AS3MT: variants seen among roughly 807,000 people sequenced by gnomAD.
AS3MT encodes S-adenosyl-L-methionine:arsenic(III) methyltransferase.
AS3MT carries 47 observed loss-of-function variants against 45.3 expected under a neutral mutation model. That is an observed-to-expected ratio of 1.04 (90% CI 0.82 to 1.32). The LOEUF is 1.32. Ranked by LOEUF, AS3MT falls within the 40% of genes most tolerant of loss-of-function variation. The pLI is 0.00. For missense variants in AS3MT, 396 were observed against 451.1 expected, an observed-to-expected ratio of 0.88 and a Z score of 1.11; for synonymous variants, 141 against 152.8, an observed-to-expected ratio of 0.92 and a Z score of 0.57.
chr10:102,881,611 A>AT lies in AS3MT; in HGVS notation c.885+2621dup, dbSNP rs1163853650. Among the ~76,000 whole-genome samples, 1 of 152,236 alleles carries AT rather than the reference A, an allele frequency of 6.6e-6. No individual in the cohort carries two copies. The highest frequency in any genetic ancestry group is 2.4e-5 in the African/African-American group (1 of 41,464). On this transcript the variant is annotated intron_variant, in intron 9 of 10. Coordinates refer to ENST00000369880, the MANE Select transcript of AS3MT (RefSeq NM_020682.4). The surrounding 1 kb of genome is among the most constrained non-coding windows in gnomAD (Gnocchi z 4.2). ...ATAATACTTACTTTGCAGAATTTCT[A>AT]TAAGGATTAGCAATAATGTAGCAAA...
Position 102,873,106 on chromosome 10 carries a change from G to A in AS3MT, c.331G>A (p.Ala111Thr). ...IDMTKGQVEVAEKYLDYHMEK... is the reference protein window; with the variant it reads ...IDMTKGQVEVTEKYLDYHMEK... ...ATTTTTCTTACTTTAGGTGGAAGTGGCTGAAAAGTATCTTGACTATCACAT... is the reference window on the plus strand; with the variant it reads ...ATTTTTCTTACTTTAGGTGGAAGTGACTGAAAAGTATCTTGACTATCACAT... The change falls in exon 5 of 11, where the codon GCT becomes ACT. Residue 111 changes from alanine to threonine, a missense_variant. By Grantham distance (58) the Ala-to-Thr change is moderately conservative. Coordinates refer to ENST00000369880, the MANE Select transcript of AS3MT (RefSeq NM_020682.4). 6.3e-7 allele frequency: 1 copy of A among 1,579,874 alleles called. No individual in the cohort carries two copies. Among genetic ancestry groups the A allele is most frequent in the East Asian group, 2.3e-5 (1 of 44,244 alleles).
At chr10:102,871,415 C>G (rs1427692638) in intron 3 of AS3MT, among the ~76,000 whole-genome samples, 4 of 151,634 alleles carry the variant, frequency 2.6e-5, no homozygotes, top group African/African-American at 9.7e-5. Flanking sequence ...GGTGTGGCGG[C>G]ACGCGCCTGT....
chr10:102,900,612 T>A lies in AS3MT; in HGVS notation c.1040T>A (p.Phe347Tyr). 1 of 1,614,042 alleles carries A rather than the reference T, an allele frequency of 6.2e-7. No individual in the cohort carries two copies. Among genetic ancestry groups the A allele is most frequent in the Non-Finnish European group, 8.5e-7 (1 of 1,179,902 alleles). The stretch of plus-strand genomic sequence containing the variant: ...TGACAGGATATAATCACAGATCCAT[T>A]TAAGCTTGCAGAAGAGTCTGACAGT... ...LELKDIITDP[F>Y]KLAEESDSMK... The change falls in exon 11 of 11, where the codon TTT becomes TAT. Residue 347 changes from phenylalanine (F) to tyrosine (Y), a missense_variant. Coordinates refer to ENST00000369880, the MANE Select transcript of AS3MT (RefSeq NM_020682.4).
At chr10:102,889,181 T>G (rs1461539972) in intron 9 of AS3MT, among the ~76,000 whole-genome samples, 4 of 152,038 alleles carry the variant, frequency 2.6e-5, no homozygotes, top group Admixed American at 2.6e-4. Context: ...TGAGCCACCG[T>G]GCCCGGCCAA....
intron 8 of AS3MT, 135 bp downstream of exon 8, chr10:102,878,645 T>C (rs1844825120): frequency 7.3e-7 from 1 of 1,371,158 alleles, no homozygotes; most frequent in Non-Finnish European, 9.9e-7. Flanking sequence ...TCTTGCCTCC[T>C]GTACAATGGT....
chr10:102,899,529 A>G (rs953207195), intron 10 of AS3MT, among the ~76,000 whole-genome samples: 1 of 152,170 alleles, frequency 6.6e-6, no homozygotes, highest in Non-Finnish European at 1.5e-5. Flanking sequence ...TAAAGGGTCC[A>G]CCAGTCTATC....
chr10:102,893,940 A>G (rs1431369053), intron 10 of AS3MT, among the ~76,000 whole-genome samples: 1 of 152,092 alleles, frequency 6.6e-6, no homozygotes, highest in African/African-American at 2.4e-5. Flanking sequence ...GGTCTGGCCT[A>G]GAACTTTCAA....
chr10:102,886,780 C>A (rs1214328522), intron 9 of AS3MT, among the ~76,000 whole-genome samples: 1 of 152,080 alleles, frequency 6.6e-6, no homozygotes, highest in African/African-American at 2.4e-5. Flanking sequence ...CCATGCCTGG[C>A]TGATTTTTGT....
chr10:102,889,141 C>T (rs979642111), intron 9 of AS3MT, among the ~76,000 whole-genome samples: 4 of 150,922 alleles, frequency 2.7e-5, no homozygotes, highest in African/African-American at 7.3e-5. Flanking sequence ...CCACCCACCT[C>T]GGCCTCCCAA....
intron 6 of AS3MT, among the ~76,000 whole-genome samples, chr10:102,875,629 GT>G (rs879464385): frequency 2.1e-4 from 30 of 144,360 alleles, no homozygotes; most frequent in East Asian, 4.1e-4. Context: ...CTAAAAAAAT[GT>G]TTTTTTTTTT....
At chr10:102,898,221 C>T (rs1249679629) in intron 10 of AS3MT, among the ~76,000 whole-genome samples, 1 of 151,810 alleles carries the variant, frequency 6.6e-6, no homozygotes, top group Non-Finnish European at 1.5e-5. Flanking sequence ...TCTTGAGAGT[C>T]CTTCTGCTTT....
Position 102,869,540 on chromosome 10 carries a change from TC to T in AS3MT, c.-52del. ...GGAGACAGTGAGTGCGCGCCCTGAG[TC>T]GCAGGCCGAGGAGACAGTGAGTGCG... On this transcript the variant is annotated 5_prime_UTR_variant, in exon 1 of 11. Coordinates refer to ENST00000369880, the MANE Select transcript of AS3MT (RefSeq NM_020682.4). The T allele has an allele frequency of 6.5e-7, 1 of 1,539,176 alleles. No individual in the cohort carries two copies. The highest frequency in any genetic ancestry group is 8.7e-7 in the Non-Finnish European group (1 of 1,149,368).
At chr10:102,886,131 A>G (rs1002720938) in intron 9 of AS3MT, among the ~76,000 whole-genome samples, 4 of 151,238 alleles carry the variant, frequency 2.6e-5, no homozygotes, top group Non-Finnish European at 5.9e-5. Context: ...GATCTTCTGT[A>G]TTTTTTTAGT....
rs567605332 is a variant in AS3MT at position 102,881,066 on chromosome 10, A to G, written c.885+2075A>G. On this transcript the variant is annotated intron_variant, in intron 9 of 10. Transcript: ENST00000369880. The surrounding 1 kb of genome is among the most constrained non-coding windows in gnomAD (Gnocchi z 4.2). ...TTATGTTCTACTTATTTATTCATGT[A>G]TTCTGCTTTATGATGTTTATCTGAA... is the stretch of plus-strand genomic sequence containing the variant. Among the ~76,000 whole-genome samples the G allele has an allele frequency of 2.0e-5, 3 of 152,300 alleles. No homozygotes were observed. The East Asian group carries it at 5.8e-4, about 29-fold the overall frequency.
chr10:102,899,446 G>C (rs1845235772), intron 10 of AS3MT, among the ~76,000 whole-genome samples: 1 of 152,126 alleles, frequency 6.6e-6, no homozygotes, highest in African/African-American at 2.4e-5. Context: ...GATGCAGGCA[G>C]ACCTCTTCAT....
At chr10:102,886,799 T>A (rs1844966204) in intron 9 of AS3MT, among the ~76,000 whole-genome samples, 1 of 152,152 alleles carries the variant, frequency 6.6e-6, no homozygotes, top group African/African-American at 2.4e-5. Context: ...GTATTTTCTG[T>A]AGAGACAGGC....
At position 102,878,949 on chromosome 10, in the gene AS3MT, A is replaced by G; in HGVS notation, c.843A>G (p.Gly281=). The G allele has an allele frequency of 6.2e-7, 1 of 1,613,792 alleles. No homozygotes were observed. Residue 281 remains glycine, a synonymous_variant, in exon 9 of 11, where the codon GGA becomes GGG. Transcript: ENST00000369880. Reference sequence around the variant, plus strand: ...TTATTTACAATGGAGGAATTACAGGACATGAAAAAGAACTAATGTTTGATG... The same window carrying G: ...TTATTTACAATGGAGGAATTACAGGGCATGAAAAAGAACTAATGTTTGATG... The part of the protein sequence containing the change: ...CQVIYNGGIT[G]HEKELMFDAN...
chr10:102,869,487 G>T lies in AS3MT; in HGVS notation c.-106G>T, dbSNP rs1564789241. On this transcript the variant is annotated 5_prime_UTR_variant, in exon 1 of 11. Transcript: ENST00000369880. ...GCCTCGGCACAGGAGCTGGCTGCGG[G>T]AGCCCGCCGTCCTGAGTCGCAGGCC... 6.5e-7 allele frequency: 1 copy of T among 1,532,926 alleles called. No individual in the cohort carries two copies. The highest frequency in any genetic ancestry group is 8.7e-7 in the Non-Finnish European group (1 of 1,147,488). 95.0% of individuals were successfully genotyped at this position (1,532,926 alleles called of 1,614,324 possible). A position where few individuals can be genotyped will look rare whatever the true frequency, so the allele number is the denominator to read the frequency against.
chr10:102,886,944 CT>C (rs1006826853), intron 9 of AS3MT, among the ~76,000 whole-genome samples: 4 of 152,172 alleles, frequency 2.6e-5, no homozygotes, highest in Non-Finnish European at 5.9e-5. Flanking sequence ...AATCTTTCTA[CT>C]TTTTTGATAT....
Sources: allele counts gnomAD v4.1 joint callset (sites outside exome capture counted in the v4.1 genomes callset), GRCh38; gene constraint gnomAD v4.1.1; non-coding constraint Gnocchi (gnomAD v3.1); transcripts MANE v1.5; gene names NCBI Gene and HGNC (gene_info 2026-07-23, HGNC 2026-07-21).